FRMD4A: variants seen among roughly 807,000 people sequenced by gnomAD.
The protein encoded by FRMD4A is FERM domain-containing protein 4A.
In FRMD4A, 29 loss-of-function variants were observed where a neutral mutation model predicts 129.1. The observed-to-expected ratio is 0.22, with a 90% confidence interval of 0.17 to 0.31. FRMD4A has a LOEUF of 0.31. Ranked by LOEUF, FRMD4A falls within the 10% of genes least tolerant of loss-of-function variation. The probability of loss-of-function intolerance (pLI) is 1.00; values close to 1 mark genes in which losing one functional copy is unlikely to be tolerated. For synonymous variants in FRMD4A, 634 were observed against 571.6 expected, an observed-to-expected ratio of 1.11 and a Z score of -1.56; for missense variants, 1,272 against 1,375.8, an observed-to-expected ratio of 0.92 and a Z score of 1.19.
chr10:13,750,527 C>T (rs1378546907), intron 8 of FRMD4A, among the ~76,000 whole-genome samples: 2 of 152,132 alleles, frequency 1.3e-5, no homozygotes, highest in Non-Finnish European at 2.9e-5. Context: ...AATAAAGGCA[C>T]CCTTGGGCTC....
At chr10:13,738,909 C>T (rs899669936) in intron 11 of FRMD4A, among the ~76,000 whole-genome samples, 1 of 152,204 alleles carries the variant, frequency 6.6e-6, no homozygotes, top group Admixed American at 6.5e-5. Flanking sequence ...TCATGAGCCA[C>T]TGCGCCTGCC....
At chr10:13,652,051 A>AT in intron 23 of FRMD4A, 77 bp from the exon 24 acceptor site, 2 of 816,874 alleles carry the variant, frequency 2.4e-6, no homozygotes, top group South Asian at 2.7e-5. Context: ...CACAGACACG[A>AT]TTAGTAGCTT....
At chr10:13,993,916 T>C (rs2095612824) in intron 2 of FRMD4A, among the ~76,000 whole-genome samples, 1 of 152,080 alleles carries the variant, frequency 6.6e-6, no homozygotes, top group East Asian at 1.9e-4. Context: ...TGAGGATCTA[T>C]TTTAAGATTA....
chr10:13,742,455 T>C (rs2091063674), intron 9 of FRMD4A, among the ~76,000 whole-genome samples: 1 of 152,182 alleles, frequency 6.6e-6, no homozygotes, highest in Non-Finnish European at 1.5e-5. Flanking sequence ...CTGTCCTCTG[T>C]CAAAGCTCTG....
chr10:13,880,007 C>G (rs890640214), intron 2 of FRMD4A, among the ~76,000 whole-genome samples: 2 of 151,930 alleles, frequency 1.3e-5, no homozygotes, highest in African/African-American at 4.8e-5. Context: ...TCCCAGATGT[C>G]ATCATACTCA....
At chr10:13,847,937 C>T (rs1053700571) in intron 3 of FRMD4A, among the ~76,000 whole-genome samples, 16 of 152,228 alleles carry the variant, frequency 1.1e-4, no homozygotes, top group African/African-American at 2.9e-4. Context: ...TTAATAAAAA[C>T]GATGACAGCC....
chr10:13,881,988 AGGGTGTGTGTGTGTGT>A (rs1374892529), intron 2 of FRMD4A, among the ~76,000 whole-genome samples: 38 of 10,652 alleles, frequency 3.6e-3, no homozygotes, highest in Non-Finnish European at 0.013. Context: ...GGGAGAGGCA[AGGGTGTGTGTGTGTGT>A]GTGTGTGTGT....
chr10:14,133,464 G>A (rs1206241168), intron 2 of FRMD4A, among the ~76,000 whole-genome samples: 1 of 152,162 alleles, frequency 6.6e-6, no homozygotes, highest in African/African-American at 2.4e-5. Context: ...ACCCTCTCTA[G>A]ATGCTTGGGC....
At position 14,010,505 on chromosome 10, in the gene FRMD4A, C is replaced by G. The variant is rs191444506; in HGVS notation, c.46-151593G>C. On this transcript the variant is annotated intron_variant, in intron 2 of 24. Transcript: ENST00000357447. ...TCATATTAGCACAAAAGCCTCCTCC[C>G]AGATAATGGAGCCCTCCCCAGTCCC... Among the ~76,000 whole-genome samples the G allele has an allele frequency of 6.9e-3, 1,052 of 152,134 alleles. 10 individuals carry two copies. The highest frequency in any genetic ancestry group is 0.024 in the African/African-American group (986 of 41,488).
chr10:14,190,949 T>C (rs1842298396), intron 2 of FRMD4A, among the ~76,000 whole-genome samples: 1 of 152,198 alleles, frequency 6.6e-6, no homozygotes, highest in African/African-American at 2.4e-5. Context: ...GTGTGAAACA[T>C]GGGTGGGAAT....
At chr10:13,888,736 C>T (rs983562693) in intron 2 of FRMD4A, among the ~76,000 whole-genome samples, 1 of 152,138 alleles carries the variant, frequency 6.6e-6, no homozygotes, top group Admixed American at 6.5e-5. Context: ...AAAAATAAGA[C>T]ATATGAATTG....
chr10:13,918,341 G>T (rs932878275), intron 2 of FRMD4A, among the ~76,000 whole-genome samples: 3 of 152,066 alleles, frequency 2.0e-5, no homozygotes, highest in East Asian at 1.9e-4. Flanking sequence ...TTAGCCCCCA[G>T]CTCTGATATT....
rs748029848 is a variant in FRMD4A at position 13,657,366 on chromosome 10, T to C, written c.2223A>G (p.Ser741=). 2.5e-6 allele frequency: 4 copies of C among 1,611,900 alleles called. No individual in the cohort carries two copies. The highest frequency in any genetic ancestry group is 4.5e-5 in the East Asian group (2 of 44,862). Residue 741 remains serine, a synonymous_variant, in exon 22 of 25, where the codon TCA becomes TCG. Transcript: ENST00000357447. ...ACGACGAGCAGTCGTCCATGGGGTC[T>C]GAGCCGTTGCTGCTACGAGTCCGCG... ...YTPRTRSSNG[S]DPMDDCSSCT...
intron 2 of FRMD4A, among the ~76,000 whole-genome samples, chr10:13,925,062 TAAA>T (rs57484737): frequency 3.9e-5 from 4 of 103,228 alleles, no homozygotes; most frequent in Admixed American, 1.1e-4. Flanking sequence ...AGACTCCGTG[TAAA>T]AAAAAAAAAA....
intron 12 of FRMD4A, among the ~76,000 whole-genome samples, chr10:13,733,573 G>GC (rs1218409784): frequency 6.6e-6 from 1 of 152,004 alleles, no homozygotes; most frequent in Non-Finnish European, 1.5e-5. Flanking sequence ...TAGGCGCCCC[G>GC]CCCCCGCAGC....
chr10:14,308,401 A>AT (rs982934782), intron 2 of FRMD4A, among the ~76,000 whole-genome samples: 10 of 148,558 alleles, frequency 6.7e-5, no homozygotes, highest in African/African-American at 1.5e-4. Flanking sequence ...ATTTATTATT[A>AT]TTTTTTTTTC....
At chr10:14,026,501 T>C (rs17154458) in intron 2 of FRMD4A, among the ~76,000 whole-genome samples, 20,423 of 152,220 alleles carry the variant, frequency 0.13, 1,760 homozygotes, top group African/African-American at 0.24. Flanking sequence ...ATGGAAGAAT[T>C]AGAGCGGGTC....
intron 3 of FRMD4A, among the ~76,000 whole-genome samples, chr10:13,826,749 T>C (rs1209324249): frequency 6.6e-6 from 1 of 152,064 alleles, no homozygotes. Flanking sequence ...AGAAGAGTAA[T>C]GAAAAAGTAC....
At chr10:13,859,549 G>T (rs967649339) in intron 2 of FRMD4A, among the ~76,000 whole-genome samples, 3 of 152,044 alleles carry the variant, frequency 2.0e-5, no homozygotes, top group Non-Finnish European at 2.9e-5. Context: ...ATATTCTCAG[G>T]GGTGGTGGGT....
Sources: allele counts gnomAD v4.1 joint callset (sites outside exome capture counted in the v4.1 genomes callset), GRCh38; gene constraint gnomAD v4.1.1; transcripts MANE v1.5; gene names NCBI Gene and HGNC (gene_info 2026-07-23, HGNC 2026-07-21).